GPAT3: variants seen among roughly 807,000 people sequenced by gnomAD.
GPAT3 encodes glycerol-3-phosphate acyltransferase 3.
Under a neutral mutation model 58.8 loss-of-function variants are expected in GPAT3, and 53 were observed. That is an observed-to-expected ratio of 0.90 (90% CI 0.72 to 1.13). GPAT3 has a LOEUF of 1.13. GPAT3 is among the 50% of genes most tolerant of loss of function. The pLI, the probability that GPAT3 is intolerant of heterozygous loss-of-function variation, is 0.00. For synonymous variants in GPAT3, 197 were observed against 187.4 expected (o/e 1.05, Z -0.42); for missense variants, 511 against 527.6 (o/e 0.97, Z 0.31).
At chr4:83,544,444 A>G (rs1463097877) in intron 1 of GPAT3, 92 bp from the exon 2 acceptor site, 5 of 1,252,216 alleles carry the variant, frequency 4.0e-6, no homozygotes, top group Middle Eastern at 2.3e-4. Flanking sequence ...CCAGAGCTTG[A>G]TGTGTAATTT....
intron 10 of GPAT3, 175 bp from the exon 11 acceptor site, chr4:83,598,469 C>A: frequency 1.3e-6 from 1 of 748,512 alleles, no homozygotes; most frequent in South Asian, 1.7e-5. Context: ...TTAAACAATA[C>A]AACACTGCAT....
chr4:83,604,682 A>C lies in GPAT3; in HGVS notation c.1220A>C (p.Lys407Thr). The change falls in exon 12 of 12, where the codon AAG (lysine) becomes ACG (threonine). Residue 407 changes from lysine to threonine, a missense_variant. By Grantham distance (78) the Lys-to-Thr change is moderately conservative (BLOSUM62 -1). Transcript: ENST00000264409. ...TCTGTTTGCAGGGATGGAGGACTAA[A>C]GAGAGCAAAGGTGAAGGACATCTTT... ...LTELPWDGGL[K>T]RAKVKDIFKE... 6.2e-7 allele frequency: 1 copy of C among 1,613,818 alleles called. No individual in the cohort carries two copies. Among genetic ancestry groups the C allele is most frequent in the Non-Finnish European group, 8.5e-7 (1 of 1,179,870 alleles).
intron 6 of GPAT3, among the ~76,000 whole-genome samples, chr4:83,590,654 A>AAAC (rs1726561352): frequency 6.6e-6 from 1 of 152,170 alleles, no homozygotes; most frequent in African/African-American, 2.4e-5. Flanking sequence ...CTAGCCAGCC[A>AAAC]ATTACTTCTT....
intron 2 of GPAT3, among the ~76,000 whole-genome samples, chr4:83,566,918 G>C (rs549534447): frequency 6.6e-6 from 1 of 151,602 alleles, no homozygotes; most frequent in African/African-American, 2.4e-5. Flanking sequence ...TATAAATAAG[G>C]TGTGTTCTTC....
chr4:83,566,097 T>C (rs1333313733), intron 2 of GPAT3, among the ~76,000 whole-genome samples: 1 of 152,200 alleles, frequency 6.6e-6, no homozygotes, highest in Non-Finnish European at 1.5e-5. Context: ...CATAAAGACA[T>C]GAAGGCAATA....
intron 2 of GPAT3, 98 bp downstream of exon 2, chr4:83,544,700 C>A: frequency 8.4e-7 from 1 of 1,186,474 alleles, no homozygotes; most frequent in Admixed American, 1.9e-5. Context: ...GCAGTGTGTT[C>A]TATAGGGTTT....
At chr4:83,569,380 C>A (rs980680579) in intron 2 of GPAT3, among the ~76,000 whole-genome samples, 6 of 152,196 alleles carry the variant, frequency 3.9e-5, no homozygotes, top group Non-Finnish European at 7.3e-5. Flanking sequence ...AGCAGGGCTG[C>A]TTGGCTCTTT....
At position 83,594,915 on chromosome 4, in the gene GPAT3, G is replaced by T; in HGVS notation, c.809G>T (p.Trp270Leu). 1 of 1,613,928 alleles carries T rather than the reference G, an allele frequency of 6.2e-7. No homozygotes were observed. Among genetic ancestry groups the T allele is most frequent in the Non-Finnish European group, 8.5e-7 (1 of 1,179,880 alleles). Residue 270 changes from tryptophan (W) to leucine (L), a missense_variant, in exon 7 of 12, where the codon TGG becomes TTG. Physicochemically the swap from Trp to Leu is moderately conservative, Grantham distance 61. Transcript: ENST00000264409. ...ATGGTCAAGGCTTGTCCTCATGTCT[G>T]GTTTGAACGCTCAGAAATGAAGGAT... ...RAMVKACPHV[W>L]FERSEMKDRH...
At chr4:83,570,154 C>T (rs56208893) in intron 2 of GPAT3, among the ~76,000 whole-genome samples, 26,801 of 152,122 alleles carry the variant, frequency 0.18, 2,968 homozygotes, top group East Asian at 0.31. Context: ...TGAGGAAGCA[C>T]TTGGTTTTGG....
At chr4:83,563,247 C>T (rs186793269) in intron 2 of GPAT3, among the ~76,000 whole-genome samples, 3 of 152,122 alleles carry the variant, frequency 2.0e-5, no homozygotes, top group African/African-American at 7.2e-5. Flanking sequence ...TTGGGTTTTA[C>T]TCATCGTTTT....
At chr4:83,578,201 A>T (rs1725891049) in intron 2 of GPAT3, among the ~76,000 whole-genome samples, 1 of 152,196 alleles carries the variant, frequency 6.6e-6, no homozygotes, top group Non-Finnish European at 1.5e-5. Flanking sequence ...TGCTTGCTAT[A>T]TTCTTAGCCA....
intron 2 of GPAT3, among the ~76,000 whole-genome samples, chr4:83,579,077 T>C (rs377219969): frequency 0.059 from 1,540 of 26,144 alleles, 153 homozygotes; most frequent in Non-Finnish European, 0.066. Context: ...TTTCTTTCTT[T>C]CTTCCCTTCC....
intron 2 of GPAT3, among the ~76,000 whole-genome samples, chr4:83,556,732 T>A (rs1259048949): frequency 6.6e-6 from 1 of 150,672 alleles, no homozygotes; most frequent in Non-Finnish European, 1.5e-5. Flanking sequence ...GGAGAACTAC[T>A]GGAATATGCA....
intron 2 of GPAT3, among the ~76,000 whole-genome samples, chr4:83,565,312 G>A (rs2110084966): frequency 6.6e-6 from 1 of 151,806 alleles, no homozygotes; most frequent in South Asian, 2.1e-4. Flanking sequence ...TGTTGACCGG[G>A]CTGGTCTCGA....
intron 2 of GPAT3, among the ~76,000 whole-genome samples, chr4:83,564,199 T>A (rs1272944835): frequency 6.6e-6 from 1 of 152,218 alleles, no homozygotes; most frequent in Non-Finnish European, 1.5e-5. Context: ...TAAATATATG[T>A]CTAACTTTTG....
At chr4:83,571,214 C>T (rs762412366) in intron 2 of GPAT3, among the ~76,000 whole-genome samples, 19 of 152,016 alleles carry the variant, frequency 1.2e-4, no homozygotes, top group Non-Finnish European at 2.4e-4. Context: ...ATTATAATGT[C>T]GATTGATAAT....
chr4:83,598,082 A>G lies in GPAT3; in HGVS notation c.1028A>G (p.Asn343Ser). 6.2e-7 allele frequency: 1 copy of G among 1,613,606 alleles called. No individual in the cohort carries two copies. Residue 343 changes from asparagine to serine, a missense_variant, in exon 10 of 12, where the codon AAC (asparagine) becomes AGC (serine). Coordinates refer to ENST00000264409, the MANE Select transcript of GPAT3 (RefSeq NM_032717.5). ...YNPQFGDAFW[N>S]SSKYNMVSYL... ...CCTCAGTTCGGTGATGCATTTTGGA[A>G]CAGTAGTAAATACAACATGGTGAGC...
At chr4:83,585,463 CT>C (rs576783007) in intron 3 of GPAT3, among the ~76,000 whole-genome samples, 2 of 151,102 alleles carry the variant, frequency 1.3e-5, no homozygotes, top group East Asian at 1.9e-4. Context: ...AATATTTATA[CT>C]TTTTTTTACG....
At chr4:83,539,895 C>A (rs558843734) in intron 1 of GPAT3, among the ~76,000 whole-genome samples, 2 of 152,114 alleles carry the variant, frequency 1.3e-5, no homozygotes, top group Non-Finnish European at 2.9e-5. Context: ...CGGTGGCTCA[C>A]GCCTGTAATC....
Sources: allele counts gnomAD v4.1 joint callset (sites outside exome capture counted in the v4.1 genomes callset), GRCh38; gene constraint gnomAD v4.1.1; transcripts MANE v1.5; gene names NCBI Gene and HGNC (gene_info 2026-07-23, HGNC 2026-07-21).